The following DTNBP1 variants were observed in gnomAD, a reference collection of about 807,000 sequenced individuals.
The protein encoded by DTNBP1 is dystrobrevin binding protein 1, also known as dysbindin.
In DTNBP1, 35 loss-of-function variants were observed where a neutral mutation model predicts 42.8. The ratio of observed to expected loss-of-function variants is 0.82; its 90% CI spans 0.63 to 1.09. The LOEUF is 1.09. Among genes scored for constraint, DTNBP1 ranks in the 50% least tolerant of loss-of-function variants. The probability of loss-of-function intolerance (pLI) is 0.00; values close to 1 mark genes in which losing one functional copy is unlikely to be tolerated. For synonymous variants in DTNBP1, 171 were observed against 162.2 expected (o/e 1.05, Z -0.41); for missense variants, 457 against 424.2 (o/e 1.08, Z -0.68).
rs185009228 is a variant in DTNBP1 at position 15,523,109 on chromosome 6, G to T, written c.922C>A (p.Arg308=). 1.9e-6 allele frequency: 3 copies of T among 1,614,232 alleles called. No individual in the cohort carries two copies. Among genetic ancestry groups the T allele is most frequent in the Admixed American group, 1.7e-5 (1 of 60,030 alleles). Residue 308 remains arginine, a synonymous_variant, in exon 10 of 10, where the codon CGG becomes AGG. Transcript: ENST00000344537. ...SSSTCTDSAT[R]DISEGGESPV... is the part of the protein sequence containing the mutation. The stretch of plus-strand genomic sequence containing the variant: ...GACTCCCCACCCTCACTGATGTCCC[G>T]GGTGGCCGAGTCGGTGCAGGTGGAG...
intron 6 of DTNBP1, among the ~76,000 whole-genome samples, chr6:15,602,850 C>A (rs1301843248): frequency 6.6e-6 from 1 of 152,164 alleles, no homozygotes; most frequent in Non-Finnish European, 1.5e-5. Flanking sequence ...AGCTTGAACC[C>A]CAGCGTGTCA....
At chr6:15,606,832 G>T (rs553125595) in intron 6 of DTNBP1, among the ~76,000 whole-genome samples, 78 of 152,036 alleles carry the variant, frequency 5.1e-4, no homozygotes, top group African/African-American at 1.8e-3. Context: ...AAGGAAGAAG[G>T]TTTATTTTTA....
At position 15,587,563 on chromosome 6, in the gene DTNBP1, T is replaced by C. The variant is rs1022261363; in HGVS notation, c.511+5496A>G. 6.6e-6 allele frequency among the ~76,000 whole-genome samples: 1 copy of C among 152,184 alleles called. No individual in the cohort carries two copies. Among genetic ancestry groups the C allele is most frequent in the African/African-American group, 2.4e-5 (1 of 41,448 alleles). On this transcript the variant is annotated intron_variant, in intron 7 of 9. Coordinates refer to ENST00000344537, the MANE Select transcript of DTNBP1 (RefSeq NM_032122.5). The surrounding 1 kb of genome is among the most constrained non-coding windows in gnomAD (Gnocchi z 4.1). ...TGGCACTGGCAATAAGGAACAAAGT[T>C]GAGAGTTCAGAAAAAAACTCTTACA...
chr6:15,603,057 C>T lies in DTNBP1; in HGVS notation c.489-9976G>A, dbSNP rs911131841. 4.6e-5 allele frequency among the ~76,000 whole-genome samples: 7 copies of T among 152,318 alleles called. No individual in the cohort carries two copies. The East Asian group carries it at 7.7e-4, about 17-fold the overall frequency. On this transcript the variant is annotated intron_variant, in intron 6 of 9. Transcript: ENST00000344537. ...TAAATATTCTAGCTACATCTGTTCT[C>T]GTGACTACACATAAAGTCTGAAACT...
At chr6:15,577,990 A>G (rs1188434452) in intron 7 of DTNBP1, among the ~76,000 whole-genome samples, 1 of 152,242 alleles carries the variant, frequency 6.6e-6, no homozygotes, top group Non-Finnish European at 1.5e-5. Flanking sequence ...GGATTAAGGA[A>G]AAGAATAGTG....
chr6:15,582,243 T>C (rs940759503), intron 7 of DTNBP1, among the ~76,000 whole-genome samples: 3 of 152,212 alleles, frequency 2.0e-5, no homozygotes, highest in East Asian at 1.9e-4. Context: ...TTTTAGCACG[T>C]CCCAGGAATG....
chr6:15,524,429 G>A (rs1031365772), intron 9 of DTNBP1, 97 bp downstream of exon 9: 4 of 1,614,196 alleles, frequency 2.5e-6, no homozygotes, highest in Middle Eastern at 1.6e-4. Context: ...GGGGGTTTAT[G>A]CGTAAGTGAC....
intron 7 of DTNBP1, among the ~76,000 whole-genome samples, chr6:15,534,260 G>A (rs1230154436): frequency 1.3e-5 from 2 of 152,180 alleles, no homozygotes; most frequent in Non-Finnish European, 2.9e-5. Context: ...AGTGATGGAT[G>A]CACAGCATGA....
At chr6:15,644,250 C>A (rs1760548408) in intron 3 of DTNBP1, among the ~76,000 whole-genome samples, 2 of 151,052 alleles carry the variant, frequency 1.3e-5, no homozygotes, top group African/African-American at 4.9e-5. Flanking sequence ...ATATCGTATC[C>A]TAAATATATA....
At position 15,524,532 on chromosome 6, in the gene DTNBP1, CG is replaced by C; in HGVS notation, c.804del (p.Ala269ProfsTer2). 1 of 1,607,002 alleles carries C rather than the reference CG, an allele frequency of 6.2e-7. No homozygotes were observed. Among genetic ancestry groups the C allele is most frequent in the Non-Finnish European group, 8.5e-7 (1 of 1,175,438 alleles). ...GCAAGTTTGTCAACCCTACCTAAGG[CG>C]GGGGACAGCACAGTGTTCTCTTCTC... ...SGGEENTVLS[P>X]ALGPESSTCQ... On this transcript the variant is annotated frameshift_variant, in exon 9 of 10. Transcript: ENST00000344537. LOFTEE classifies it low-confidence loss of function (END_TRUNC).
At chr6:15,568,064 G>T (rs1775176424) in intron 7 of DTNBP1, among the ~76,000 whole-genome samples, 1 of 152,130 alleles carries the variant, frequency 6.6e-6, no homozygotes, top group East Asian at 1.9e-4. Context: ...AATCAGGAAG[G>T]CCACTCTCAC....
At chr6:15,652,423 C>A (rs1020338655) in intron 1 of DTNBP1, among the ~76,000 whole-genome samples, 8 of 152,188 alleles carry the variant, frequency 5.3e-5, no homozygotes, top group African/African-American at 1.9e-4. Context: ...CTCAAATGAT[C>A]CTCCTGCCTC....
intron 5 of DTNBP1, among the ~76,000 whole-genome samples, chr6:15,615,699 T>C (rs534461354): frequency 5.9e-5 from 9 of 152,238 alleles, no homozygotes; most frequent in Non-Finnish European, 1.2e-4. Flanking sequence ...TATATCCTAA[T>C]GATCCCATAT....
intron 6 of DTNBP1, 126 bp downstream of exon 6, chr6:15,615,141 T>A: frequency 6.8e-7 from 1 of 1,463,808 alleles, no homozygotes; most frequent in Non-Finnish European, 9.5e-7. Context: ...TTTGGAAAGC[T>A]TATTTATCAG....
At chr6:15,613,706 T>A (rs1285098321) in intron 6 of DTNBP1, among the ~76,000 whole-genome samples, 2 of 152,046 alleles carry the variant, frequency 1.3e-5, no homozygotes, top group Non-Finnish European at 2.9e-5. Context: ...CCTCCTACAA[T>A]CTTTGTGGGA....
chr6:15,604,810 G>C (rs765214957), intron 6 of DTNBP1, among the ~76,000 whole-genome samples: 22 of 152,094 alleles, frequency 1.4e-4, no homozygotes, highest in Non-Finnish European at 2.2e-4. Flanking sequence ...AACTATAGTA[G>C]ATATATAAAC....
At chr6:15,619,395 T>C (rs1376697895) in intron 5 of DTNBP1, among the ~76,000 whole-genome samples, 1 of 152,112 alleles carries the variant, frequency 6.6e-6, no homozygotes, top group Non-Finnish European at 1.5e-5. Flanking sequence ...TAAAAATTTT[T>C]TAAAAGAAAA....
chr6:15,618,623 C>T (rs12660308), intron 5 of DTNBP1, among the ~76,000 whole-genome samples: 2 of 151,946 alleles, frequency 1.3e-5, no homozygotes, highest in South Asian at 4.2e-4. Flanking sequence ...ACGCTGTTGT[C>T]GGGAATTTAA....
At chr6:15,627,550 T>C (rs1430878991) in intron 4 of DTNBP1, 75 bp from the exon 5 acceptor site, 2 of 1,590,362 alleles carry the variant, frequency 1.3e-6, no homozygotes, top group Non-Finnish European at 1.7e-6. Flanking sequence ...CGTAATGAGA[T>C]TTAATGTTAT....
Sources: allele counts gnomAD v4.1 joint callset (sites outside exome capture counted in the v4.1 genomes callset), GRCh38; gene constraint gnomAD v4.1.1; non-coding constraint Gnocchi (gnomAD v3.1); transcripts MANE v1.5; gene names NCBI Gene and HGNC (gene_info 2026-07-23, HGNC 2026-07-21).